The following ZNF106 variants were observed in gnomAD, a reference collection of about 807,000 sequenced individuals.
ZNF106 encodes SH3-domain binding protein 3.
A neutral mutation model predicts 195.1 loss-of-function variants in ZNF106; 67 were observed. The observed-to-expected ratio is 0.34, with a 90% CI of 0.28 to 0.42. ZNF106 has a LOEUF of 0.42. ZNF106 is among the 10% of genes least tolerant of loss of function. The probability of loss-of-function intolerance (pLI) is 1.00; values close to 1 mark genes in which losing one functional copy is unlikely to be tolerated. For synonymous variants in ZNF106, 784 were observed against 818.6 expected (o/e 0.96, Z 0.72); for missense variants, 2,118 against 2,304.5 (o/e 0.92, Z 1.66).
chr15:42,413,967 C>G lies in ZNF106; in HGVS notation c.*3337G>C, dbSNP rs2054356404. On this transcript the variant is annotated 3_prime_UTR_variant, in exon 22 of 22. Coordinates refer to ENST00000564754, the MANE Select transcript of ZNF106 (RefSeq NM_001366845.3). ...AAACTTGAAGTGACTGATACTTTAT[C>G]ACAACGAACTGCCATTTAAACACTA... 1 of 152,192 alleles carries G rather than the reference C, an allele frequency of 6.6e-6. No homozygotes were observed. Among genetic ancestry groups the G allele is most frequent in the African/African-American group, 2.4e-5 (1 of 41,452 alleles). The allele number at this position is 152,192 out of a possible 1,614,324, so 9.4% of individuals were successfully genotyped here. A position where few individuals can be genotyped will look rare whatever the true frequency, so the allele number is the denominator to read the frequency against.
chr15:42,439,022 A>G lies in ZNF106; in HGVS notation c.4544+11T>C, dbSNP rs781052640. The stretch of plus-strand genomic sequence containing the variant: ...AAAGTTGTTCTGACTGGACCAATAC[A>G]ATATTCTTACCTTACAGGGATGCCA... On this transcript the variant is annotated intron_variant, in intron 11 of 21. Transcript: ENST00000564754. 6 of 1,602,112 alleles carry G rather than the reference A, an allele frequency of 3.7e-6. No individual in the cohort carries two copies. The highest frequency in any genetic ancestry group is 5.1e-6 in the Non-Finnish European group (6 of 1,174,450).
intron 1 of ZNF106, among the ~76,000 whole-genome samples, chr15:42,480,235 T>C (rs1168153701): frequency 3.3e-5 from 5 of 152,254 alleles, no homozygotes; most frequent in Non-Finnish European, 7.3e-5. Context: ...GAAGCGCTGA[T>C]ATCAGGCACA....
chr15:42,426,949 ACTTGAT>A (rs1269838483), intron 15 of ZNF106, among the ~76,000 whole-genome samples: 2 of 152,232 alleles, frequency 1.3e-5, no homozygotes, highest in South Asian at 2.1e-4. Flanking sequence ...AATTCTTCTC[ACTTGAT>A]CTTAAGTTTC....
chr15:42,425,272 C>T (rs1457019931), intron 15 of ZNF106, among the ~76,000 whole-genome samples: 2 of 152,170 alleles, frequency 1.3e-5, no homozygotes, highest in African/African-American at 4.8e-5. Flanking sequence ...CAACCCACAC[C>T]ATCTCCATCC....
intron 1 of ZNF106, among the ~76,000 whole-genome samples, chr15:42,483,274 A>G (rs1362902781): frequency 1.3e-5 from 2 of 152,248 alleles, no homozygotes; most frequent in African/African-American, 4.8e-5. Flanking sequence ...GAGCTTACTC[A>G]GCCTATGACC....
chr15:42,480,291 T>C (rs1429014883), intron 1 of ZNF106, among the ~76,000 whole-genome samples: 1 of 152,222 alleles, frequency 6.6e-6, no homozygotes, highest in Non-Finnish European at 1.5e-5. Context: ...TGACCTTTTA[T>C]TGTTATGATA....
At chr15:42,432,353 C>T (rs2055079652) in intron 14 of ZNF106, among the ~76,000 whole-genome samples, 1 of 151,586 alleles carries the variant, frequency 6.6e-6, no homozygotes, top group Non-Finnish European at 1.5e-5. Flanking sequence ...GAGACGGGAT[C>T]TCATTATGTT....
chr15:42,430,163 A>G (rs1282465413), intron 14 of ZNF106, among the ~76,000 whole-genome samples: 1 of 152,076 alleles, frequency 6.6e-6, no homozygotes, highest in East Asian at 1.9e-4. Context: ...CTTTTTCACT[A>G]GTGTACGGTC....
intron 2 of ZNF106, among the ~76,000 whole-genome samples, chr15:42,469,144 C>CATTG (rs1460104787): frequency 1.3e-5 from 2 of 152,004 alleles, no homozygotes; most frequent in Non-Finnish European, 2.9e-5. Context: ...GAGGTCACAC[C>CATTG]ATTGCACTCC....
intron 1 of ZNF106, among the ~76,000 whole-genome samples, chr15:42,474,146 C>A (rs1420409153): frequency 6.6e-6 from 1 of 152,140 alleles, no homozygotes; most frequent in Non-Finnish European, 1.5e-5. Context: ...CTCTTCAACC[C>A]AGAGAATTGT....
intron 14 of ZNF106, among the ~76,000 whole-genome samples, chr15:42,434,428 G>T (rs1434123401): frequency 6.6e-6 from 1 of 152,164 alleles, no homozygotes. Flanking sequence ...CTAAAGTTGT[G>T]AGCCAGTGCC....
chr15:42,480,308 C>T lies in ZNF106; in HGVS notation c.-32-7987G>A, dbSNP rs978999346. On this transcript the variant is annotated intron_variant, in intron 1 of 21. Coordinates refer to ENST00000564754, the MANE Select transcript of ZNF106 (RefSeq NM_001366845.3). The stretch of plus-strand genomic sequence containing the variant: ...ACCTTTTATTGTTATGATATGATCC[C>T]TTTAACTCTGGTGATACTTTTTATA... 5.3e-5 allele frequency among the ~76,000 whole-genome samples: 8 copies of T among 152,104 alleles called. No individual in the cohort carries two copies. The East Asian group carries it at 5.8e-4, about 11-fold the overall frequency.
chr15:42,451,084 T>C lies in ZNF106; in HGVS notation c.1188A>G (p.Glu396=), dbSNP rs773179619. The C allele has an allele frequency of 3.1e-6, 5 of 1,614,102 alleles. No homozygotes were observed. The highest frequency in any genetic ancestry group is 4.2e-6 in the Non-Finnish European group (5 of 1,180,038). The change falls in exon 5 of 22, where the codon GAA becomes GAG. Residue 396 remains glutamate, a synonymous_variant. Coordinates refer to ENST00000564754, the MANE Select transcript of ZNF106 (RefSeq NM_001366845.3). Reference sequence around the variant, plus strand: ...AATCAAAGAGAGGTTTCTCTATCATTTCTGACTTGTTACCAGTGATGTCTT... The same window carrying C: ...AATCAAAGAGAGGTTTCTCTATCATCTCTGACTTGTTACCAGTGATGTCTT... ...GLKDITGNKS[E]MIEKPLFDFS... is the part of the protein sequence containing the mutation.
At chr15:42,463,470 A>G (rs2056440805) in intron 3 of ZNF106, among the ~76,000 whole-genome samples, 1 of 152,068 alleles carries the variant, frequency 6.6e-6, no homozygotes, top group South Asian at 2.1e-4. Context: ...CAGAGGTAGG[A>G]GGATCAGCTA....
At chr15:42,444,348 C>CA in intron 8 of ZNF106, 86 bp from the exon 9 acceptor site, 1 of 1,059,196 alleles carries the variant, frequency 9.4e-7, no homozygotes, top group Non-Finnish European at 1.4e-6. Flanking sequence ...ATGTCCTGAC[C>CA]AAAAATCAGA....
At chr15:42,458,570 T>C (rs921559351) in intron 3 of ZNF106, among the ~76,000 whole-genome samples, 17 of 152,048 alleles carry the variant, frequency 1.1e-4, no homozygotes, top group African/African-American at 4.1e-4. Context: ...TAGCCTGGTG[T>C]GGTGGTGTGC....
At chr15:42,477,535 G>C (rs1481313274) in intron 1 of ZNF106, among the ~76,000 whole-genome samples, 1 of 152,120 alleles carries the variant, frequency 6.6e-6, no homozygotes, top group Non-Finnish European at 1.5e-5. Flanking sequence ...CTTGAAGCCA[G>C]GAATTCAAGA....
intron 3 of ZNF106, chr15:42,457,381 C>T: frequency 1.4e-6 from 2 of 1,405,636 alleles, no homozygotes; most frequent in Non-Finnish European, 1.8e-6. Flanking sequence ...AGGCAATAGA[C>T]TTCAGATAAA....
chr15:42,456,456 C>G (rs1465542723), intron 4 of ZNF106, among the ~76,000 whole-genome samples: 1 of 152,040 alleles, frequency 6.6e-6, no homozygotes, highest in Non-Finnish European at 1.5e-5. Context: ...TGAGACCAGC[C>G]TGGCTAATGG....
Sources: allele counts gnomAD v4.1 joint callset (sites outside exome capture counted in the v4.1 genomes callset), GRCh38; gene constraint gnomAD v4.1.1; transcripts MANE v1.5; gene names NCBI Gene and HGNC (gene_info 2026-07-23, HGNC 2026-07-21).